Variants in ZNF780B observed in about 807,000 individuals in gnomAD.
ZNF780B encodes the protein zinc finger protein 780B.
In ZNF780B, 52 loss-of-function variants were observed where a neutral mutation model predicts 74.1. The ratio of observed to expected loss-of-function variants is 0.70; its 90% CI spans 0.56 to 0.88. The LOEUF is 0.88. Among genes scored for constraint, ZNF780B ranks in the 40% least tolerant of loss-of-function variants. The pLI is 0.00. For missense variants in ZNF780B, 953 were observed against 1,007.6 expected, an observed-to-expected ratio of 0.95 and a Z score of 0.73; for synonymous variants, 315 against 324.3, an observed-to-expected ratio of 0.97 and a Z score of 0.31.
chr19:40,046,444 A>G (rs1416354639), intron 4 of ZNF780B, among the ~76,000 whole-genome samples: 3 of 152,320 alleles, frequency 2.0e-5, no homozygotes, highest in Non-Finnish European at 2.9e-5. Flanking sequence ...CATTCCTCAC[A>G]ACGACAGTCA....
At chr19:40,043,414 C>T (rs549596380) in intron 4 of ZNF780B, among the ~76,000 whole-genome samples, 5 of 152,338 alleles carry the variant, frequency 3.3e-5, no homozygotes, top group African/African-American at 4.8e-5. Context: ...TCTCCAGCTG[C>T]GTGCTGGGAG....
chr19:40,034,877 C>T lies in ZNF780B; in HGVS notation c.1982G>A (p.Ser661Asn). The T allele has an allele frequency of 6.2e-7, 1 of 1,614,056 alleles. No homozygotes were observed. The highest frequency in any genetic ancestry group is 8.5e-7 in the Non-Finnish European group (1 of 1,180,000). ...ATATGGTTTTACACCAGCATGAATA[C>T]TCTGATGTTGAACAAGGTTTGAGAC... ...NRVSNLVQHQSIHAGVKPYEC... is the reference protein window; with the variant it reads ...NRVSNLVQHQNIHAGVKPYEC... Residue 661 changes from serine to asparagine, a missense_variant, in exon 5 of 5, where the codon AGT becomes AAT. Physicochemically the swap from Ser to Asn is conservative, Grantham distance 46. Coordinates refer to ENST00000434248, the MANE Select transcript of ZNF780B (RefSeq NM_001005851.3).
rs755684545 is a variant in ZNF780B at position 40,036,314 on chromosome 19, T to C, written c.545A>G (p.Gln182Arg). The change falls in exon 5 of 5, where the codon CAG becomes CGG. Residue 182 changes from glutamine (Q) to arginine (R), a missense_variant. Physicochemically the swap from Gln to Arg is conservative, Grantham distance 43. Transcript: ENST00000434248. ...CTCTCCAGTATGAATACTCTGATGC[T>C]GAATAAGATTTGAACCACAACTAAA... ...KYFSCGSNLI[Q>R]HQSIHTGEKP... 4 of 1,613,882 alleles carry C rather than the reference T, an allele frequency of 2.5e-6. No homozygotes were observed. Among genetic ancestry groups the C allele is most frequent in the Middle Eastern group, 1.7e-4 (1 of 6,056 alleles).
At chr19:40,048,598 C>T (rs919836903) in intron 3 of ZNF780B, 72 bp downstream of exon 3, 5 of 1,611,046 alleles carry the variant, frequency 3.1e-6, no homozygotes, top group East Asian at 4.5e-5. Flanking sequence ...AAAGACAGCC[C>T]TGAAACTCAT....
chr19:40,040,621 T>C (rs1305892221), intron 4 of ZNF780B, among the ~76,000 whole-genome samples: 1 of 152,232 alleles, frequency 6.6e-6, no homozygotes, highest in Admixed American at 6.5e-5. Flanking sequence ...ATTCAACTTC[T>C]TCCTGGTTTA....
intron 4 of ZNF780B, among the ~76,000 whole-genome samples, chr19:40,044,333 A>T (rs1220439257): frequency 1.3e-5 from 2 of 152,228 alleles, no homozygotes; most frequent in African/African-American, 4.8e-5. Context: ...ATGGCATATT[A>T]TGGTCAAAAT....
intron 4 of ZNF780B, among the ~76,000 whole-genome samples, chr19:40,043,687 G>A (rs960294758): frequency 6.6e-6 from 1 of 152,210 alleles, no homozygotes; most frequent in Non-Finnish European, 1.5e-5. Context: ...AGACTCTGTG[G>A]GCATAGGACC....
In ZNF780B at chr19:40,035,545, A is replaced by G. The variant is rs778543245; in HGVS notation, c.1314T>C (p.Ile438=). 6 of 1,613,462 alleles carry G rather than the reference A, an allele frequency of 3.7e-6. No homozygotes were observed. The South Asian group carries it at 4.4e-5, about 12-fold the overall frequency. The part of the protein sequence containing the change: ...RGANLIQHQK[I]HSNEKPFVCR... Reference sequence around the variant, plus strand: ...ATACAAAGGGTTTCTCATTGGAATGAATTTTTTGATGCTGAATAAGATTTG... The same window carrying G: ...ATACAAAGGGTTTCTCATTGGAATGGATTTTTTGATGCTGAATAAGATTTG... Residue 438 remains isoleucine (I), a synonymous_variant, in exon 5 of 5, where the codon ATT becomes ATC. Coordinates refer to ENST00000434248, the MANE Select transcript of ZNF780B (RefSeq NM_001005851.3).
intron 3 of ZNF780B, among the ~76,000 whole-genome samples, chr19:40,048,009 A>G (rs757779018): frequency 2.6e-5 from 4 of 152,244 alleles, no homozygotes; most frequent in African/African-American, 4.8e-5. Context: ...CCAACAGAAA[A>G]GCATACACTT....
intron 1 of ZNF780B, chr19:40,055,551 AC>A (rs1162125616): frequency 1.3e-5 from 2 of 151,956 alleles, no homozygotes; most frequent in African/African-American, 4.8e-5. Flanking sequence ...GTTTGAAAGC[AC>A]CCTCCATGGC....
Position 40,035,245 on chromosome 19 carries a change from A to T in ZNF780B, c.1614T>A (p.Phe538Leu). Reference sequence around the variant, plus strand: ...GTTGAGAAAGTTGTAGGTGAAGTCTAAAAGCCTTCCCACACTCCTTACATT... The same window carrying T: ...GTTGAGAAAGTTGTAGGTGAAGTCTTAAAGCCTTCCCACACTCCTTACATT... ...PYECKECGKAFRLHLQLSQHE... is the reference protein window; with the variant it reads ...PYECKECGKALRLHLQLSQHE... Residue 538 changes from phenylalanine to leucine, a missense_variant, in exon 5 of 5, where the codon TTT becomes TTA. By Grantham distance (22) the Phe-to-Leu change is conservative. Coordinates refer to ENST00000434248, the MANE Select transcript of ZNF780B (RefSeq NM_001005851.3). 1 of 1,614,088 alleles carries T rather than the reference A, an allele frequency of 6.2e-7. No homozygotes were observed. Among genetic ancestry groups the T allele is most frequent in the Non-Finnish European group, 8.5e-7 (1 of 1,180,002 alleles).
chr19:40,035,325 G>C lies in ZNF780B; in HGVS notation c.1534C>G (p.Arg512Gly), dbSNP rs61730563. 1.4e-3 allele frequency: 2,325 copies of C among 1,614,046 alleles called. 30 individuals carry two copies. In the African/African-American group the frequency reaches 0.027, roughly 19 times the overall value. The change falls in exon 5 of 5, where the codon CGT becomes GGT. Residue 512 changes from arginine (R) to glycine (G), a missense_variant. Physicochemically the swap from Arg to Gly is moderately radical, Grantham distance 125 (BLOSUM62 -2). Transcript: ENST00000434248. ...TGATGTTGAACAAGGTTCGAGCCAC[G>C]ATTGAAGGCCTTCCCACAGTCTTTA... is the stretch of plus-strand genomic sequence containing the variant. Reference protein sequence around the residue: ...ECKDCGKAFNRGSNLVQHQSI... With the variant: ...ECKDCGKAFNGGSNLVQHQSI...
At position 40,050,353 on chromosome 19, in the gene ZNF780B, G is replaced by T. The variant is rs775104003; in HGVS notation, c.-21C>A. ...ACCATGTTTCTAGAATTACAAAATT[G>T]GTCAATCTTCCTCGGGCTTCTCCCC... is the stretch of plus-strand genomic sequence containing the variant. On this transcript the variant is annotated 5_prime_UTR_variant, in exon 2 of 5. Coordinates refer to ENST00000434248, the MANE Select transcript of ZNF780B (RefSeq NM_001005851.3). 7 of 1,592,588 alleles carry T rather than the reference G, an allele frequency of 4.4e-6. No individual in the cohort carries two copies. In the South Asian group the frequency reaches 5.6e-5, roughly 13 times the overall value.
At chr19:40,043,886 T>A (rs1972796546) in intron 4 of ZNF780B, among the ~76,000 whole-genome samples, 1 of 152,240 alleles carries the variant, frequency 6.6e-6, no homozygotes, top group Non-Finnish European at 1.5e-5. Flanking sequence ...CTGCTTTGGC[T>A]TGCACACAGT....
chr19:40,042,755 GC>G (rs1972711717), intron 4 of ZNF780B, among the ~76,000 whole-genome samples: 1 of 152,110 alleles, frequency 6.6e-6, no homozygotes, highest in South Asian at 2.1e-4. Context: ...AGCTCCATCA[GC>G]TCCTTTAAGG....
chr19:40,034,027 G>T lies in ZNF780B; in HGVS notation c.*330C>A. On this transcript the variant is annotated 3_prime_UTR_variant, in exon 5 of 5. Transcript: ENST00000434248. ...TTCTTTACACTCACAGGGTTTCTCA[G>T]CAGTACGGATTCTCAGATGTACAGT... is the stretch of plus-strand genomic sequence containing the variant. 1 of 345,330 alleles carries T rather than the reference G, an allele frequency of 2.9e-6. No individual in the cohort carries two copies. The highest frequency in any genetic ancestry group is 5.5e-6 in the Non-Finnish European group (1 of 181,588). The allele number at this position is 345,330 out of a possible 1,614,324, so 21.4% of individuals were successfully genotyped here. A position where few individuals can be genotyped will look rare whatever the true frequency, so the allele number is the denominator to read the frequency against.
intron 1 of ZNF780B, among the ~76,000 whole-genome samples, chr19:40,052,214 C>A (rs1192001014): frequency 6.6e-6 from 1 of 151,962 alleles, no homozygotes; most frequent in African/African-American, 2.4e-5. Context: ...CTGTATAATC[C>A]TTTGTTGGGG....
Position 40,032,879 on chromosome 19 carries a change from C to T in ZNF780B, c.*1478G>A, listed in dbSNP as rs1194512826. 1 of 153,002 alleles carries T rather than the reference C, an allele frequency of 6.5e-6. No homozygotes were observed. The highest frequency in any genetic ancestry group is 1.5e-5 in the Non-Finnish European group (1 of 68,072). The allele number at this position is 153,002 out of a possible 1,614,324, so 9.5% of individuals were successfully genotyped here. A position where few individuals can be genotyped will look rare whatever the true frequency, so the allele number is the denominator to read the frequency against. On this transcript the variant is annotated 3_prime_UTR_variant, in exon 5 of 5. Transcript: ENST00000434248. ...TGATATTGTCTTTATGTTTGGGTAACACACATGCTGATGTAACAAGGAGTA... is the reference window on the plus strand; with the variant it reads ...TGATATTGTCTTTATGTTTGGGTAATACACATGCTGATGTAACAAGGAGTA...
chr19:40,039,785 G>A (rs984400989), intron 4 of ZNF780B, among the ~76,000 whole-genome samples: 1 of 152,020 alleles, frequency 6.6e-6, no homozygotes, highest in African/African-American at 2.4e-5. Context: ...TGCTGAAGTT[G>A]CTTATCAGCT....
Sources: gnomAD v4.1 joint callset for allele counts (sites outside exome capture counted in the v4.1 genomes callset) on GRCh38, gnomAD v4.1.1 for gene constraint, MANE v1.5 for transcripts, NCBI Gene and HGNC (gene_info 2026-07-23, HGNC 2026-07-21) for gene names.